The following PSAP variants were observed in gnomAD, a reference collection of about 807,000 sequenced individuals.
The protein encoded by PSAP is prosaposin, also known as precursor of saposins.
A neutral mutation model predicts 66.0 loss-of-function variants in PSAP; 25 were observed. That is an observed-to-expected ratio of 0.38 (90% CI 0.28 to 0.53). The LOEUF (loss-of-function observed/expected upper bound fraction) is 0.53, where lower values mean the gene tolerates loss of function less well. PSAP is among the 20% of genes least tolerant of loss of function. The pLI is 0.83. For synonymous variants in PSAP, 273 were observed against 258.9 expected (o/e 1.05, Z -0.52); for missense variants, 649 against 668.8 (o/e 0.97, Z 0.33).
At chr10:71,837,240 T>A (rs1327527453) in intron 1 of PSAP, among the ~76,000 whole-genome samples, 1 of 152,210 alleles carries the variant, frequency 6.6e-6, no homozygotes, top group Non-Finnish European at 1.5e-5. Context: ...GCCTGTGGTA[T>A]GCAACGGATT....
At chr10:71,820,506 T>G (rs1345162896) in intron 8 of PSAP, among the ~76,000 whole-genome samples, 171 bp from the exon 9 acceptor site, 1 of 151,928 alleles carries the variant, frequency 6.6e-6, no homozygotes, top group Non-Finnish European at 1.5e-5. Context: ...TAATTCCCTA[T>G]TTTTACATTC....
intron 7 of PSAP, among the ~76,000 whole-genome samples, chr10:71,825,398 C>T (rs1271447763): frequency 6.6e-6 from 1 of 152,244 alleles, no homozygotes; most frequent in Non-Finnish European, 1.5e-5. Flanking sequence ...TCAGGAGTTA[C>T]CAGCTCAAGC....
At chr10:71,837,609 C>G (rs1307690250) in intron 1 of PSAP, among the ~76,000 whole-genome samples, 1 of 152,228 alleles carries the variant, frequency 6.6e-6, no homozygotes, top group African/African-American at 2.4e-5. Context: ...GAGCCCGAGG[C>G]CCTCAGGCCA....
chr10:71,819,876 T>G lies in PSAP; in HGVS notation c.1030A>C (p.Lys344Gln). 6.2e-7 allele frequency: 1 copy of G among 1,614,124 alleles called. No homozygotes were observed. The highest frequency in any genetic ancestry group is 1.1e-5 in the South Asian group (1 of 91,082). ...TEKEILDAFD[K>Q]MCSKLPKSLS... is the part of the protein sequence containing the mutation. ...GACTTCGGCAGCTTCGAGCACATTT[T>G]GTCAAAAGCGTCGAGTATTTCTTTC... The change falls in exon 10 of 14, where the codon AAA becomes CAA. Residue 344 changes from lysine (K) to glutamine (Q), a missense_variant. Lys to Gln is a moderately conservative substitution (Grantham distance 53). Transcript: ENST00000394936.
At chr10:71,822,133 C>A (rs999981795) in intron 7 of PSAP, 126 bp from the exon 8 acceptor site, 103 of 1,322,254 alleles carry the variant, frequency 7.8e-5, no homozygotes, top group East Asian at 4.2e-4. Flanking sequence ...CTCCCTCTCC[C>A]CCTCCCACAA....
chr10:71,821,266 T>C (rs1842295955), intron 8 of PSAP, among the ~76,000 whole-genome samples: 1 of 152,218 alleles, frequency 6.6e-6, no homozygotes, highest in Non-Finnish European at 1.5e-5. Context: ...TGTTAAGGCA[T>C]CACACAGCCC....
chr10:71,845,005 T>C (rs948756634), intron 1 of PSAP, among the ~76,000 whole-genome samples: 1 of 152,166 alleles, frequency 6.6e-6, no homozygotes, highest in African/African-American at 2.4e-5. Flanking sequence ...TATTATATAT[T>C]GTTTTAATTG....
At chr10:71,850,381 A>C (rs1842905437) in intron 1 of PSAP, among the ~76,000 whole-genome samples, 1 of 152,198 alleles carries the variant, frequency 6.6e-6, no homozygotes, top group African/African-American at 2.4e-5. Context: ...AGATAAACTC[A>C]ACCAATTATC....
At chr10:71,845,961 G>C (rs1842814888) in intron 1 of PSAP, among the ~76,000 whole-genome samples, 1 of 152,216 alleles carries the variant, frequency 6.6e-6, no homozygotes, top group East Asian at 1.9e-4. Context: ...ATTTAATTTT[G>C]TTAAAGTCAC....
chr10:71,820,245 T>A lies in PSAP; in HGVS notation c.1000A>T (p.Thr334Ser), dbSNP rs749663645. 49 of 1,612,188 alleles carry A rather than the reference T, an allele frequency of 3.0e-5. No individual in the cohort carries two copies. The highest frequency in any genetic ancestry group is 4.2e-5 in the Non-Finnish European group (49 of 1,178,328). ...EVTKLIDNNK[T>S]EKEILDAFDK... ...CTGCCAGGAGGACAGCATACCTCAG[T>A]CTTGTTGTTGTCAATCAGCTTGGTC... Residue 334 changes from threonine (T) to serine (S), a missense_variant, in exon 9 of 14, where the codon ACT (threonine) becomes TCT (serine). Coordinates refer to ENST00000394936, the MANE Select transcript of PSAP (RefSeq NM_002778.4).
intron 4 of PSAP, among the ~76,000 whole-genome samples, chr10:71,830,365 T>C (rs1842488222): frequency 6.6e-6 from 1 of 152,190 alleles, no homozygotes; most frequent in East Asian, 1.9e-4. Context: ...CCACATCACA[T>C]CTCACTCACA....
intron 1 of PSAP, among the ~76,000 whole-genome samples, chr10:71,849,034 G>A (rs909595139): frequency 2.1e-4 from 32 of 152,160 alleles, no homozygotes; most frequent in Non-Finnish European, 3.4e-4. Flanking sequence ...TTTGGGTGAT[G>A]TGAATGAATC....
At chr10:71,840,015 G>C (rs1182131414) in intron 1 of PSAP, among the ~76,000 whole-genome samples, 1 of 152,144 alleles carries the variant, frequency 6.6e-6, no homozygotes, top group East Asian at 1.9e-4. Flanking sequence ...GAAAAGCCCA[G>C]TACACAACAT....
At position 71,816,328 on chromosome 10, in the gene PSAP, C is replaced by G. The variant is rs1323790002; in HGVS notation, c.*1113G>C. 1.1e-5 allele frequency: 5 copies of G among 459,970 alleles called. No individual in the cohort carries two copies. The highest frequency in any genetic ancestry group is 2.3e-5 in the Non-Finnish European group (5 of 217,862). The allele number at this position is 459,970 out of a possible 1,614,324, so 28.5% of individuals were successfully genotyped here. A position where few individuals can be genotyped will look rare whatever the true frequency, so the allele number is the denominator to read the frequency against. ...CTAACAGAATTTTATTGTTAAATCA[C>G]AGAAACTTTAGTGCAAAACAAAAAT... is the stretch of plus-strand genomic sequence containing the variant. On this transcript the variant is annotated 3_prime_UTR_variant, in exon 14 of 14. Transcript: ENST00000394936.
chr10:71,833,825 G>A (rs1332880398), intron 2 of PSAP, among the ~76,000 whole-genome samples: 1 of 152,226 alleles, frequency 6.6e-6, no homozygotes, highest in Non-Finnish European at 1.5e-5. Context: ...TCCTCAGTGT[G>A]GTTACAGCTG....
At chr10:71,840,760 C>T (rs1842718813) in intron 1 of PSAP, among the ~76,000 whole-genome samples, 1 of 152,206 alleles carries the variant, frequency 6.6e-6, no homozygotes, top group East Asian at 1.9e-4. Flanking sequence ...TCTTAATTTT[C>T]CTTACAAGCC....
intron 1 of PSAP, among the ~76,000 whole-genome samples, chr10:71,842,005 T>TA (rs35837949): frequency 0.19 from 26,461 of 141,242 alleles, 2,515 homozygotes; most frequent in East Asian, 0.46. Flanking sequence ...GACTCCGTCT[T>TA]AAAAAAAAAA....
At chr10:71,832,070 A>G in intron 2 of PSAP, 150 bp from the exon 3 acceptor site, 1 of 794,686 alleles carries the variant, frequency 1.3e-6, no homozygotes, top group Non-Finnish European at 2.2e-6. Flanking sequence ...TCCACCCTGC[A>G]TGAGCAGCGC....
chr10:71,850,871 C>T (rs1842914803), intron 1 of PSAP, among the ~76,000 whole-genome samples: 1 of 152,256 alleles, frequency 6.6e-6, no homozygotes, highest in Admixed American at 6.5e-5. Context: ...CTCACCCACC[C>T]CCACAGTGGG....
Sources: gnomAD v4.1 joint callset for allele counts (sites outside exome capture counted in the v4.1 genomes callset) on GRCh38, gnomAD v4.1.1 for gene constraint, MANE v1.5 for transcripts, NCBI Gene and HGNC (gene_info 2026-07-23, HGNC 2026-07-21) for gene names.